STXBP5L: variants seen among roughly 807,000 people sequenced by gnomAD.
The protein encoded by STXBP5L is syntaxin binding protein 5L, also known as syntaxin-binding protein 5-like.
STXBP5L carries 65 observed loss-of-function variants against 144.5 expected under a neutral mutation model. The ratio of observed to expected loss-of-function variants is 0.45; its 90% CI spans 0.37 to 0.55. The LOEUF is 0.55. Among genes scored for constraint, STXBP5L ranks in the 20% least tolerant of loss-of-function variants. The pLI, the probability that STXBP5L is intolerant of heterozygous loss-of-function variation, is 0.00. For missense variants in STXBP5L, 1,298 were observed against 1,405.5 expected, an observed-to-expected ratio of 0.92 and a Z score of 1.22; for synonymous variants, 505 against 469.6, an observed-to-expected ratio of 1.08 and a Z score of -0.97.
chr3:121,165,992 T>C (rs1338857478), intron 9 of STXBP5L, among the ~76,000 whole-genome samples: 2 of 152,206 alleles, frequency 1.3e-5, no homozygotes, highest in Non-Finnish European at 2.9e-5. Flanking sequence ...AAATGTATTT[T>C]AGACATATTA....
intron 20 of STXBP5L, among the ~76,000 whole-genome samples, chr3:121,378,508 TCTTATA>T (rs145462766): frequency 1.3e-5 from 2 of 152,268 alleles, no homozygotes; most frequent in East Asian, 1.9e-4. Context: ...AAAAAATGAA[TCTTATA>T]CTTAATAAAT....
chr3:121,147,843 C>T (rs567561989), intron 7 of STXBP5L, among the ~76,000 whole-genome samples: 3 of 152,258 alleles, frequency 2.0e-5, no homozygotes, highest in South Asian at 2.1e-4. Flanking sequence ...ATTCTTCCTG[C>T]CTGACTGCTT....
intron 2 of STXBP5L, among the ~76,000 whole-genome samples, chr3:120,952,467 G>A (rs1711324521): frequency 6.6e-6 from 1 of 151,488 alleles, no homozygotes; most frequent in Non-Finnish European, 1.5e-5. Flanking sequence ...TTTATTTTTG[G>A]ATAGTTTATT....
intron 25 of STXBP5L, among the ~76,000 whole-genome samples, chr3:121,416,332 A>C (rs1163069216): frequency 6.6e-6 from 1 of 151,576 alleles, no homozygotes; most frequent in Non-Finnish European, 1.5e-5. Flanking sequence ...GACTTTAATC[A>C]CTGCTGGAAA....
At chr3:121,101,309 A>G (rs1216061773) in intron 5 of STXBP5L, among the ~76,000 whole-genome samples, 1 of 152,164 alleles carries the variant, frequency 6.6e-6, no homozygotes, top group East Asian at 1.9e-4. Context: ...ATACAGGCCA[A>G]TATCCCCAAT....
At position 121,029,392 on chromosome 3, in the gene STXBP5L, C is replaced by G. The variant is rs560662181; in HGVS notation, c.288-12308C>G. 2.1e-4 allele frequency among the ~76,000 whole-genome samples: 32 copies of G among 152,256 alleles called. No homozygotes were observed. In the South Asian group the frequency reaches 5.8e-3, roughly 28 times the overall value. Reference sequence around the variant, plus strand: ...AATAACACCACACATCTACAACCATCTGATCTTTGACAAACCTGACAAAAA... The same window carrying G: ...AATAACACCACACATCTACAACCATGTGATCTTTGACAAACCTGACAAAAA... On this transcript the variant is annotated intron_variant, in intron 3 of 26. Transcript: ENST00000471454.
intron 20 of STXBP5L, among the ~76,000 whole-genome samples, chr3:121,353,237 G>A (rs1365418608): frequency 1.3e-5 from 2 of 152,142 alleles, no homozygotes; most frequent in Non-Finnish European, 2.9e-5. Context: ...CTATTGATTG[G>A]AATAGTTTCA....
At chr3:120,917,141 A>T (rs1709141528) in intron 2 of STXBP5L, among the ~76,000 whole-genome samples, 2 of 152,220 alleles carry the variant, frequency 1.3e-5, no homozygotes, top group Non-Finnish European at 2.9e-5. Context: ...AAACTCAGGC[A>T]TGTCCCAGCT....
intron 6 of STXBP5L, among the ~76,000 whole-genome samples, chr3:121,120,325 G>T (rs890946270): frequency 2.0e-5 from 3 of 151,130 alleles, no homozygotes; most frequent in African/African-American, 7.3e-5. Context: ...ATGTATAAAT[G>T]ATATGTTACA....
intron 2 of STXBP5L, among the ~76,000 whole-genome samples, chr3:120,951,022 T>C (rs1310826731): frequency 6.6e-6 from 1 of 152,006 alleles, no homozygotes. Context: ...ATCTGATCTT[T>C]GACAAACCTG....
chr3:120,986,236 T>C (rs552536288), intron 3 of STXBP5L, among the ~76,000 whole-genome samples: 57 of 152,120 alleles, frequency 3.7e-4, no homozygotes, highest in African/African-American at 1.3e-3. Flanking sequence ...TTCATCCCAT[T>C]GTGGCTGGAG....
chr3:121,181,495 A>T (rs1225313366), intron 9 of STXBP5L, among the ~76,000 whole-genome samples: 1 of 152,254 alleles, frequency 6.6e-6, no homozygotes, highest in Non-Finnish European at 1.5e-5. Flanking sequence ...GCACTTTGGG[A>T]GACCAAGGTG....
At chr3:121,176,712 C>G (rs1280252026) in intron 9 of STXBP5L, among the ~76,000 whole-genome samples, 1 of 151,466 alleles carries the variant, frequency 6.6e-6, no homozygotes. Flanking sequence ...GATAAAATTA[C>G]AAAGAACAAA....
chr3:121,210,005 C>T (rs1385419903), intron 10 of STXBP5L, among the ~76,000 whole-genome samples: 5 of 152,234 alleles, frequency 3.3e-5, no homozygotes, highest in Non-Finnish European at 7.3e-5. Flanking sequence ...TGAGGACTCA[C>T]CACACTGTCT....
intron 22 of STXBP5L, among the ~76,000 whole-genome samples, chr3:121,399,315 A>G (rs555495182): frequency 6.6e-6 from 1 of 152,104 alleles, no homozygotes; most frequent in East Asian, 1.9e-4. Flanking sequence ...TTCTCCAACC[A>G]TTGCTCCAGT....
intron 3 of STXBP5L, among the ~76,000 whole-genome samples, chr3:121,017,181 C>T (rs555938642): frequency 1.3e-5 from 2 of 151,960 alleles, no homozygotes; most frequent in Non-Finnish European, 2.9e-5. Flanking sequence ...ACAGAAAAAA[C>T]AATTAAATGA....
intron 20 of STXBP5L, among the ~76,000 whole-genome samples, chr3:121,354,681 G>C (rs1163052608): frequency 6.6e-6 from 1 of 151,738 alleles, no homozygotes; most frequent in Non-Finnish European, 1.5e-5. Context: ...GGCACATTTA[G>C]CCCATTTACA....
rs1236775832 is a variant in STXBP5L at position 121,041,691 on chromosome 3, T to C, written c.288-9T>C. 1 of 1,606,442 alleles carries C rather than the reference T, an allele frequency of 6.2e-7. No homozygotes were observed. Among genetic ancestry groups the C allele is most frequent in the Non-Finnish European group, 8.5e-7 (1 of 1,173,660 alleles). On this transcript the variant is annotated splice_polypyrimidine_tract_variant and intron_variant, in intron 3 of 26. Transcript: ENST00000471454. ...AAAATGTTAGAATCCTTGACTTTTA[T>C]TATATTAGACTCGGGAGACCTGGTG...
At chr3:121,286,056 T>G (rs2051220334) in intron 19 of STXBP5L, among the ~76,000 whole-genome samples, 1 of 152,150 alleles carries the variant, frequency 6.6e-6, no homozygotes, top group Non-Finnish European at 1.5e-5. Flanking sequence ...AAAACTGATA[T>G]TATGCCATTT....
Sources: gnomAD v4.1 joint callset for allele counts (sites outside exome capture counted in the v4.1 genomes callset) on GRCh38, gnomAD v4.1.1 for gene constraint, MANE v1.5 for transcripts, NCBI Gene and HGNC (gene_info 2026-07-23, HGNC 2026-07-21) for gene names.